The following HBB variants were observed in gnomAD, a reference collection of about 807,000 sequenced individuals.
HBB encodes Hb Monza protein.
Under a neutral mutation model 9.7 loss-of-function variants are expected in HBB, and 18 were observed. That is an observed-to-expected ratio of 1.86 (90% CI 1.28 to 2.76). The LOEUF (loss-of-function observed/expected upper bound fraction) is 2.76, where lower values mean the gene tolerates loss of function less well. Ranked by LOEUF, HBB falls within the 30% of genes most tolerant of loss-of-function variation. The pLI is 0.00. For missense variants in HBB, 156 were observed against 177.0 expected (o/e 0.88, Z 0.67); for synonymous variants, 99 against 73.6 (o/e 1.35, Z -1.77).
In HBB at chr11:5,226,751, C is replaced by G. The variant is rs1554917961; in HGVS notation, c.141G>C (p.Gly47=). ...TAACAGCATCAGGAGTGGACAGATC[C>G]CCAAAGGACTCAAAGAACCTCTGGG... ...PWTQRFFESF[G]DLSTPDAVMG... Residue 47 remains glycine (G), a synonymous_variant, in exon 2 of 3, where the codon GGG becomes GGC. Coordinates refer to ENST00000335295, the MANE Select transcript of HBB (RefSeq NM_000518.5). 1.2e-6 allele frequency: 2 copies of G among 1,614,074 alleles called. No homozygotes were observed. Among genetic ancestry groups the G allele is most frequent in the South Asian group, 1.1e-5 (1 of 91,066 alleles).
At chr11:5,226,545 G>A (rs1847548898) in intron 2 of HBB, 32 bp downstream of exon 2, 2 of 1,593,536 alleles carry the variant, frequency 1.3e-6, no homozygotes, top group Non-Finnish European at 1.7e-6. Flanking sequence ...AAAAGAAGGG[G>A]AAAGAAAACA....
Position 5,226,583 on chromosome 11 carries a change from G to T in HBB, c.309C>A (p.Asn103Lys), listed in dbSNP as rs34227486. ...HCDKLHVDPE[N>K]FRLLGNVLVC... ...AAGCGTCCCATAGACTCACCCTGAAGTTCTCAGGATCCACGTGCAGCTTGT... is the reference window on the plus strand; with the variant it reads ...AAGCGTCCCATAGACTCACCCTGAATTTCTCAGGATCCACGTGCAGCTTGT... The change falls in exon 2 of 3, where the codon AAC (asparagine) becomes AAA (lysine). Residue 103 changes from asparagine (N) to lysine (K), a missense_variant. Coordinates refer to ENST00000335295, the MANE Select transcript of HBB (RefSeq NM_000518.5). The T allele has an allele frequency of 6.2e-7, 1 of 1,613,824 alleles. No individual in the cohort carries two copies. Among genetic ancestry groups the T allele is most frequent in the African/African-American group, 1.3e-5 (1 of 74,902 alleles).
In HBB at chr11:5,226,589, A is replaced by G. The variant is rs768336186; in HGVS notation, c.303T>C (p.Pro101=). ...CCCATAGACTCACCCTGAAGTTCTCAGGATCCACGTGCAGCTTGTCACAGT... is the reference window on the plus strand; with the variant it reads ...CCCATAGACTCACCCTGAAGTTCTCGGGATCCACGTGCAGCTTGTCACAGT... ...ELHCDKLHVD[P]ENFRLLGNVL... is the part of the protein sequence containing the mutation. The change falls in exon 2 of 3, where the codon CCT becomes CCC. Residue 101 remains proline (P), a synonymous_variant. Transcript: ENST00000335295. 6.2e-7 allele frequency: 1 copy of G among 1,614,124 alleles called. No homozygotes were observed. Among genetic ancestry groups the G allele is most frequent in the Non-Finnish European group, 8.5e-7 (1 of 1,179,992 alleles).
Position 5,226,377 on chromosome 11 carries a change from G to A in HBB, c.315+200C>T, listed in dbSNP as rs2133587399. The A allele has an allele frequency of 3.2e-6, 2 of 619,708 alleles. No individual in the cohort carries two copies. Among genetic ancestry groups the A allele is most frequent in the Non-Finnish European group, 5.6e-6 (2 of 354,790 alleles). 38.4% of individuals were successfully genotyped at this position (619,708 alleles called of 1,614,324 possible). A position where few individuals can be genotyped will look rare whatever the true frequency, so the allele number is the denominator to read the frequency against. ...ATTGCGGAGAAGAAAAAAAAAGAAAGCAAGAATTAAACAAAAGAAAACAAT... is the reference window on the plus strand; with the variant it reads ...ATTGCGGAGAAGAAAAAAAAAGAAAACAAGAATTAAACAAAAGAAAACAAT... On this transcript the variant is annotated intron_variant, in intron 2 of 2. Coordinates refer to ENST00000335295, the MANE Select transcript of HBB (RefSeq NM_000518.5).
Position 5,225,509 on chromosome 11 carries a change from C to G in HBB, c.*89G>C, listed in dbSNP as rs1356409255. ...TTTTATTAGGCAGAATCCAGATGCT[C>G]AAGGCCCTTCATAATATCCCCCAGT... On this transcript the variant is annotated 3_prime_UTR_variant, in exon 3 of 3. Transcript: ENST00000335295. The G allele has an allele frequency of 1.7e-6, 2 of 1,210,564 alleles. No homozygotes were observed. The highest frequency in any genetic ancestry group is 1.2e-6 in the Non-Finnish European group (1 of 811,744). The allele number at this position is 1,210,564 out of a possible 1,614,324, so 75.0% of individuals were successfully genotyped here. A position where few individuals can be genotyped will look rare whatever the true frequency, so the allele number is the denominator to read the frequency against.
rs777114006 is a variant in HBB, at chr11:5,226,733, A to G, written c.159T>C (p.Asp53=). Residue 53 remains aspartate (D), a synonymous_variant, in exon 2 of 3, where the codon GAT becomes GAC. Transcript: ENST00000335295. ...FESFGDLSTP[D]AVMGNPKVKA... Reference sequence around the variant, plus strand: ...TCACCTTAGGGTTGCCCATAACAGCATCAGGAGTGGACAGATCCCCAAAGG... The same window carrying G: ...TCACCTTAGGGTTGCCCATAACAGCGTCAGGAGTGGACAGATCCCCAAAGG... The G allele has an allele frequency of 1.9e-6, 3 of 1,614,018 alleles. No individual in the cohort carries two copies. Among genetic ancestry groups the G allele is most frequent in the African/African-American group, 2.7e-5 (2 of 74,896 alleles).
chr11:5,226,920 T>G lies in HBB; in HGVS notation c.92+10A>C. 10 of 1,611,768 alleles carry G rather than the reference T, an allele frequency of 6.2e-6. No individual in the cohort carries two copies. The highest frequency in any genetic ancestry group is 8.5e-6 in the Non-Finnish European group (10 of 1,177,852). ...TCTCCTTAAACCTGTCTTGTAACCT[T>G]GATACCAACCTGCCCAGGGCCTCAC... is the stretch of plus-strand genomic sequence containing the variant. On this transcript the variant is annotated intron_variant, in intron 1 of 2. Coordinates refer to ENST00000335295, the MANE Select transcript of HBB (RefSeq NM_000518.5).
At position 5,226,083 on chromosome 11, in the gene HBB, A is replaced by C. The variant is rs1250495620; in HGVS notation, c.316-357T>G. The stretch of plus-strand genomic sequence containing the variant: ...GAAGAAAGCATTTTTTAAAATTACA[A>C]ATGCAAAATTACCCTGATTTGGTCA... On this transcript the variant is annotated intron_variant, in intron 2 of 2. Transcript: ENST00000335295. Among the ~76,000 whole-genome samples, 1 of 152,178 alleles carries C rather than the reference A, an allele frequency of 6.6e-6. No individual in the cohort carries two copies. Among genetic ancestry groups the C allele is most frequent in the Non-Finnish European group, 1.5e-5 (1 of 68,038 alleles).
rs1264983767 is a variant in HBB at position 5,225,500 on chromosome 11, C to T, written c.*98G>A. On this transcript the variant is annotated 3_prime_UTR_variant, in exon 3 of 3. Transcript: ENST00000335295. ...ATAAATGTTTTTTATTAGGCAGAAT[C>T]CAGATGCTCAAGGCCCTTCATAATA... is the stretch of plus-strand genomic sequence containing the variant. 1.8e-6 allele frequency: 2 copies of T among 1,100,402 alleles called. No homozygotes were observed. The highest frequency in any genetic ancestry group is 2.8e-6 in the Non-Finnish European group (2 of 711,826). 68.2% of individuals were successfully genotyped at this position (1,100,402 alleles called of 1,614,324 possible).
rs1554917642 is a variant in HBB, at chr11:5,225,772, C to G, written c.316-46G>C. The G allele has an allele frequency of 1.2e-6, 2 of 1,605,920 alleles. No homozygotes were observed. The highest frequency in any genetic ancestry group is 1.7e-6 in the Non-Finnish European group (2 of 1,172,774). On this transcript the variant is annotated intron_variant, in intron 2 of 2. Transcript: ENST00000335295. ...GTATGAACATGATTAGCAAAAGGGCCTAGCTTGGACTCAGAATAATCCAGC... is the reference window on the plus strand; with the variant it reads ...GTATGAACATGATTAGCAAAAGGGCGTAGCTTGGACTCAGAATAATCCAGC...
rs33936254 is a variant in HBB, at chr11:5,226,954, T to G, written c.68A>C (p.Glu23Ala). The change falls in exon 1 of 3, where the codon GAA becomes GCA. Residue 23 changes from glutamate to alanine, a missense_variant. Glu to Ala is a moderately radical substitution (Grantham distance 107). Transcript: ENST00000335295. ...CCTGCCCAGGGCCTCACCACCAACT[T>G]CATCCACGTTCACCTTGCCCCACAG... ...TALWGKVNVD[E>A]VGGEALGRLL... 3.7e-6 allele frequency: 6 copies of G among 1,613,702 alleles called. No individual in the cohort carries two copies. Among genetic ancestry groups the G allele is most frequent in the South Asian group, 3.3e-5 (3 of 91,082 alleles).
At position 5,226,507 on chromosome 11, in the gene HBB, C is replaced by G. The variant is rs373152208; in HGVS notation, c.315+70G>C. ...CTAAACTGTACCCTGTTACTTATCC[C>G]CTTCCTATGACATGAACTTAACCAT... On this transcript the variant is annotated intron_variant, in intron 2 of 2. Coordinates refer to ENST00000335295, the MANE Select transcript of HBB (RefSeq NM_000518.5). 64 of 1,391,118 alleles carry G rather than the reference C, an allele frequency of 4.6e-5. No homozygotes were observed. In the African/African-American group the frequency reaches 8.8e-4, roughly 19 times the overall value. 86.2% of individuals were successfully genotyped at this position (1,391,118 alleles called of 1,614,324 possible). A position where few individuals can be genotyped will look rare whatever the true frequency, so the allele number is the denominator to read the frequency against.
chr11:5,226,570 G>A lies in HBB; in HGVS notation c.315+7C>T, dbSNP rs35614355. 5.0e-6 allele frequency: 8 copies of A among 1,612,958 alleles called. No homozygotes were observed. The highest frequency in any genetic ancestry group is 6.8e-6 in the Non-Finnish European group (8 of 1,178,996). On this transcript the variant is annotated splice_region_variant and intron_variant, in intron 2 of 2. Coordinates refer to ENST00000335295, the MANE Select transcript of HBB (RefSeq NM_000518.5). ...GAAAGAAAACATCAAGCGTCCCATAGACTCACCCTGAAGTTCTCAGGATCC... is the reference window on the plus strand; with the variant it reads ...GAAAGAAAACATCAAGCGTCCCATAAACTCACCCTGAAGTTCTCAGGATCC...
At position 5,226,532 on chromosome 11, in the gene HBB, T is replaced by C. The variant is rs1352476647; in HGVS notation, c.315+45A>G. On this transcript the variant is annotated intron_variant, in intron 2 of 2. Transcript: ENST00000335295. ...CCTTCCTATGACATGAACTTAACCA[T>C]AGAAAAGAAGGGGAAAGAAAACATC... 4 of 1,563,746 alleles carry C rather than the reference T, an allele frequency of 2.6e-6. No homozygotes were observed. Among genetic ancestry groups the C allele is most frequent in the Non-Finnish European group, 3.5e-6 (4 of 1,134,318 alleles).
intron 2 of HBB, 126 bp from the exon 3 acceptor site, chr11:5,225,852 A>G (rs1847535456): frequency 1.1e-6 from 1 of 905,462 alleles, no homozygotes; most frequent in Non-Finnish European, 1.8e-6. Context: ...AGCTGCTATT[A>G]GCAATATGAA....
rs34483965 is a variant in HBB at position 5,225,733 on chromosome 11, G to A, written c.316-7C>T. 3.7e-6 allele frequency: 6 copies of A among 1,614,056 alleles called. No homozygotes were observed. Among genetic ancestry groups the A allele is most frequent in the Non-Finnish European group, 5.1e-6 (6 of 1,179,948 alleles). Reference sequence around the variant, plus strand: ...CCAGCACGTTGCCCAGGAGCTGTGGGAGGAAGATAAGAGGTATGAACATGA... The same window carrying A: ...CCAGCACGTTGCCCAGGAGCTGTGGAAGGAAGATAAGAGGTATGAACATGA... On this transcript the variant is annotated splice_region_variant and splice_polypyrimidine_tract_variant and intron_variant, in intron 2 of 2. Transcript: ENST00000335295.
chr11:5,225,708 C>T lies in HBB; in HGVS notation c.334G>A (p.Val112Ile). Residue 112 changes from valine to isoleucine, a missense_variant, in exon 3 of 3, where the codon GTC becomes ATC. Transcript: ENST00000335295. ...ENFRLLGNVL[V>I]CVLAHHFGKE... ...CCAAAGTGATGGGCCAGCACACAGA[C>T]CAGCACGTTGCCCAGGAGCTGTGGG... The T allele has an allele frequency of 6.2e-7, 1 of 1,614,070 alleles. No individual in the cohort carries two copies. Among genetic ancestry groups the T allele is most frequent in the Non-Finnish European group, 8.5e-7 (1 of 1,179,978 alleles).
rs753171158 is a variant in HBB at position 5,225,482 on chromosome 11, T to G, written c.*116A>C. On this transcript the variant is annotated 3_prime_UTR_variant, in exon 3 of 3. Transcript: ENST00000335295. ...TACATCATTGCAATGAAAATAAATG[T>G]TTTTTATTAGGCAGAATCCAGATGC... 9.2e-6 allele frequency: 9 copies of G among 975,890 alleles called. No individual in the cohort carries two copies. The highest frequency in any genetic ancestry group is 1.6e-5 in the African/African-American group (1 of 62,382). 60.5% of individuals were successfully genotyped at this position (975,890 alleles called of 1,614,324 possible). A position where few individuals can be genotyped will look rare whatever the true frequency, so the allele number is the denominator to read the frequency against.
In HBB at chr11:5,226,943, C is replaced by T. The variant is rs33950507; in HGVS notation, c.79G>A (p.Glu27Lys). 2.2e-4 allele frequency: 361 copies of T among 1,613,724 alleles called. 5 individuals carry two copies. The South Asian group carries it at 2.6e-3, about 12-fold the overall frequency. ...CTTGATACCAACCTGCCCAGGGCCT[C>T]ACCACCAACTTCATCCACGTTCACC... Reference protein sequence around the residue: ...GKVNVDEVGGEALGRLLVVYP... With the variant: ...GKVNVDEVGGKALGRLLVVYP... The change falls in exon 1 of 3, where the codon GAG becomes AAG. Residue 27 changes from glutamate (E) to lysine (K), a missense_variant. Glu to Lys is a moderately conservative substitution (Grantham distance 56). Coordinates refer to ENST00000335295, the MANE Select transcript of HBB (RefSeq NM_000518.5).
Sources: gnomAD v4.1 joint callset for allele counts (sites outside exome capture counted in the v4.1 genomes callset) on GRCh38, gnomAD v4.1.1 for gene constraint, MANE v1.5 for transcripts, NCBI Gene and HGNC (gene_info 2026-07-23, HGNC 2026-07-21) for gene names.